ANO10: variants seen among roughly 807,000 people sequenced by gnomAD.
The protein encoded by ANO10 is anoctamin-10.
In ANO10, 77 loss-of-function variants were observed where a neutral mutation model predicts 74.7. That is an observed-to-expected ratio of 1.03 (90% CI 0.86 to 1.25). The LOEUF (loss-of-function observed/expected upper bound fraction) is 1.25. ANO10 is among the 50% of genes most tolerant of loss of function. ANO10 has a pLI of 0.00. For synonymous variants in ANO10, 279 were observed against 284.9 expected, an observed-to-expected ratio of 0.98 and a Z score of 0.21; for missense variants, 721 against 778.1, an observed-to-expected ratio of 0.93 and a Z score of 0.87.
chr3:43,579,612 G>A (rs1299504811), intron 5 of ANO10, among the ~76,000 whole-genome samples: 3 of 152,132 alleles, frequency 2.0e-5, no homozygotes, highest in Non-Finnish European at 4.4e-5. Context: ...CCAGCTACAT[G>A]GGAGGCTGAG....
intron 1 of ANO10, among the ~76,000 whole-genome samples, chr3:43,682,739 A>C (rs544265130): frequency 6.6e-6 from 1 of 152,358 alleles, no homozygotes; most frequent in East Asian, 1.9e-4. Flanking sequence ...ACCATGATCA[A>C]GTGGGCTTCA....
Position 43,576,876 on chromosome 3 carries a change from G to A in ANO10, c.978C>T (p.Leu326=), listed in dbSNP as rs377487986. ...TCATCATGACATACAGTGAGAAATA[G>A]AGGCAGAGGCACACGAATGGCAGGG... is the stretch of plus-strand genomic sequence containing the variant. ...LVSLPFVCLC[L]YFSLYVMMIY... is the part of the protein sequence containing the mutation. Residue 326 remains leucine (L), a synonymous_variant, in exon 6 of 13, where the codon CTC becomes CTT. Transcript: ENST00000292246. The A allele has an allele frequency of 5.0e-5, 80 of 1,614,060 alleles. No individual in the cohort carries two copies. In the Admixed American group the frequency reaches 5.8e-4, roughly 12 times the overall value.
intron 11 of ANO10, among the ~76,000 whole-genome samples, chr3:43,512,938 G>A (rs1397888091): frequency 2.6e-5 from 4 of 152,296 alleles, no homozygotes; most frequent in Admixed American, 2.6e-4. Context: ...ACAGTGCAGG[G>A]AGAAAACGTC....
chr3:43,405,206 C>G (rs568937262), intron 12 of ANO10, among the ~76,000 whole-genome samples: 1 of 152,302 alleles, frequency 6.6e-6, no homozygotes, highest in South Asian at 2.1e-4. Context: ...ATTTTGGTGA[C>G]TTTTAAGAAA....
chr3:43,566,241 CG>C (rs2080332019), intron 7 of ANO10, among the ~76,000 whole-genome samples: 1 of 152,112 alleles, frequency 6.6e-6, no homozygotes, highest in Non-Finnish European at 1.5e-5. Flanking sequence ...AACTGCAAGG[CG>C]GCAGCGAGGC....
chr3:43,456,768 G>C (rs4682687), intron 11 of ANO10, among the ~76,000 whole-genome samples: 1 of 152,218 alleles, frequency 6.6e-6, no homozygotes, highest in Non-Finnish European at 1.5e-5. Flanking sequence ...AATTACAAAG[G>C]TGTCTGCGAC....
chr3:43,592,842 AG>A (rs2081864598), intron 4 of ANO10, among the ~76,000 whole-genome samples: 1 of 152,216 alleles, frequency 6.6e-6, no homozygotes, highest in Admixed American at 6.5e-5. Flanking sequence ...ATCGCAAACA[AG>A]CTAAAAACTT....
Position 43,561,373 on chromosome 3 carries a change from C to A in ANO10, c.1323G>T (p.Gln441His), listed in dbSNP as rs759907565. 1 of 1,614,108 alleles carries A rather than the reference C, an allele frequency of 6.2e-7. No individual in the cohort carries two copies. The highest frequency in any genetic ancestry group is 1.1e-5 in the South Asian group (1 of 91,084). Residue 441 changes from glutamine to histidine, a missense_variant, in exon 9 of 13, where the codon CAG becomes CAT. Physicochemically the swap from Gln to His is conservative, Grantham distance 24. Transcript: ENST00000292246. The stretch of plus-strand genomic sequence containing the variant: ...AAGATTCCATAATTTGGTTGAGGAT[C>A]TGGGAGGTAATTAGGAGAGTGGCCA... ...QSLATLLITS[Q>H]ILNQIMESFL...
chr3:43,593,363 G>A (rs1365129462), intron 4 of ANO10, among the ~76,000 whole-genome samples: 1 of 152,204 alleles, frequency 6.6e-6, no homozygotes, highest in African/African-American at 2.4e-5. Context: ...CAGAGAGAAA[G>A]GTCGGGTTAC....
intron 1 of ANO10, among the ~76,000 whole-genome samples, chr3:43,673,640 T>C (rs941090902): frequency 1.3e-5 from 2 of 152,208 alleles, no homozygotes; most frequent in African/African-American, 4.8e-5. Context: ...AAATAAAAGT[T>C]TGAAGATCTG....
intron 11 of ANO10, among the ~76,000 whole-genome samples, chr3:43,436,343 CAG>C (rs1298217207): frequency 4.0e-5 from 6 of 151,874 alleles, no homozygotes; most frequent in African/African-American, 1.5e-4. Context: ...TCAAAATGAA[CAG>C]AGGGGTGGAA....
chr3:43,483,192 C>A (rs759234661), intron 11 of ANO10, among the ~76,000 whole-genome samples: 21 of 152,274 alleles, frequency 1.4e-4, no homozygotes, highest in African/African-American at 4.6e-4. Flanking sequence ...AAGAAAATGT[C>A]TTTGTTTATT....
chr3:43,451,551 A>G (rs1470861021), intron 11 of ANO10, among the ~76,000 whole-genome samples: 1 of 147,956 alleles, frequency 6.8e-6, no homozygotes, highest in Non-Finnish European at 1.5e-5. Context: ...ACAGTAATCA[A>G]TTTTAAAATG....
intron 11 of ANO10, among the ~76,000 whole-genome samples, chr3:43,444,091 T>C (rs1016824106): frequency 6.6e-6 from 1 of 152,170 alleles, no homozygotes; most frequent in Non-Finnish European, 1.5e-5. Context: ...AAATCATGTG[T>C]CTCATTGGCT....
intron 12 of ANO10, among the ~76,000 whole-genome samples, chr3:43,404,098 CA>C (rs1300842336): frequency 6.6e-6 from 1 of 151,956 alleles, no homozygotes; most frequent in Non-Finnish European, 1.5e-5. Context: ...TTAAGTTAAC[CA>C]AAAAGGAGAT....
At chr3:43,659,438 G>A (rs12630897) in intron 1 of ANO10, among the ~76,000 whole-genome samples, 89,461 of 152,098 alleles carry the variant, frequency 0.59, 30,087 homozygotes, top group Non-Finnish European at 0.73. Flanking sequence ...CCACGCCCAC[G>A]GAGCCTTGCT....
In ANO10 at chr3:43,576,802, C is replaced by T. The variant is rs1227199919; in HGVS notation, c.1052G>A (p.Gly351Glu). 6.2e-6 allele frequency: 10 copies of T among 1,614,040 alleles called. No homozygotes were observed. Among genetic ancestry groups the T allele is most frequent in the Non-Finnish European group, 8.5e-6 (10 of 1,180,040 alleles). ...VWALGLHENSGSEWTSVLLYV... is the reference protein window; with the variant it reads ...VWALGLHENSESEWTSVLLYV... ...CAACAGGACACTGGTCCACTCAGACCCGCTGTTCTCATGTAGACCCAAGGC... is the reference window on the plus strand; with the variant it reads ...CAACAGGACACTGGTCCACTCAGACTCGCTGTTCTCATGTAGACCCAAGGC... Residue 351 changes from glycine to glutamate, a missense_variant, in exon 6 of 13, where the codon GGG (glycine) becomes GAG (glutamate). Transcript: ENST00000292246.
At chr3:43,557,734 CAAAAAAAA>C in intron 9 of ANO10, among the ~76,000 whole-genome samples, 1 of 43,334 alleles carries the variant, frequency 2.3e-5, no homozygotes, top group African/African-American at 8.5e-5. Context: ...GACTCTGTCT[CAAAAAAAA>C]AAAAAAAAAA....
intron 1 of ANO10, among the ~76,000 whole-genome samples, chr3:43,661,654 G>A (rs191844178): frequency 6.6e-6 from 1 of 152,278 alleles, no homozygotes; most frequent in East Asian, 1.9e-4. Context: ...CTGTATTTAG[G>A]AGATCCATTT....
Sources: allele counts gnomAD v4.1 joint callset (sites outside exome capture counted in the v4.1 genomes callset), GRCh38; gene constraint gnomAD v4.1.1; transcripts MANE v1.5; gene names NCBI Gene and HGNC (gene_info 2026-07-23, HGNC 2026-07-21).